The following GRK4 variants were observed in gnomAD, a reference collection of about 807,000 sequenced individuals.
The protein encoded by GRK4 is G protein-coupled receptor kinase 4, also known as G protein-coupled receptor kinase 2-like.
GRK4 carries 73 observed loss-of-function variants against 77.9 expected under a neutral mutation model. The observed-to-expected ratio is 0.94, with a 90% CI of 0.78 to 1.14. GRK4 has a LOEUF of 1.14. Ranked by LOEUF, GRK4 falls within the 50% of genes most tolerant of loss-of-function variation. The probability of loss-of-function intolerance (pLI) is 0.00; values close to 1 mark genes in which losing one functional copy is unlikely to be tolerated. For missense variants in GRK4, 729 were observed against 700.2 expected (o/e 1.04, Z -0.46); for synonymous variants, 257 against 254.4 (o/e 1.01, Z -0.10).
intron 1 of GRK4, among the ~76,000 whole-genome samples, chr4:2,967,730 T>G (rs1718181667): frequency 1.3e-5 from 2 of 150,914 alleles, no homozygotes; most frequent in African/African-American, 2.4e-5. Context: ...TTTTGTTTTA[T>G]TTTTTTTTCC....
chr4:3,005,450 G>A (rs1345437284), intron 5 of GRK4, among the ~76,000 whole-genome samples: 2 of 152,062 alleles, frequency 1.3e-5, no homozygotes, highest in South Asian at 4.1e-4. Flanking sequence ...AGCCAGTGCA[G>A]TCCGAGCATA....
At chr4:3,037,534 G>T (rs372003680) in intron 14 of GRK4, 23 bp downstream of exon 14, 1 of 1,587,218 alleles carries the variant, frequency 6.3e-7, no homozygotes, top group Non-Finnish European at 8.6e-7. Flanking sequence ...CAGCACAGCC[G>T]CTTTACGTTA....
At chr4:2,986,352 A>ATCTTTTTTTT (rs1724350025) in intron 2 of GRK4, among the ~76,000 whole-genome samples, 1 of 73,990 alleles carries the variant, frequency 1.4e-5, no homozygotes, top group African/African-American at 5.7e-5. Context: ...AAAAGGTGTT[A>ATCTTTTTTTT]TCTTTTTTTT....
intron 1 of GRK4, among the ~76,000 whole-genome samples, chr4:2,983,111 G>A (rs1259723693): frequency 3.9e-5 from 6 of 152,172 alleles, no homozygotes; most frequent in Non-Finnish European, 8.8e-5. Flanking sequence ...TGAGGAAGAA[G>A]CTCTTACATC....
At chr4:3,014,586 G>A (rs1272288218) in intron 8 of GRK4, among the ~76,000 whole-genome samples, 2 of 151,988 alleles carry the variant, frequency 1.3e-5, no homozygotes, top group Non-Finnish European at 1.5e-5. Flanking sequence ...CTGAGGTCAG[G>A]AGTTCGAGAC....
At chr4:2,965,191 G>A (rs1320324514) in intron 1 of GRK4, 3 of 681,672 alleles carry the variant, frequency 4.4e-6, no homozygotes, top group African/African-American at 1.8e-5. Flanking sequence ...CTGAGCTGGT[G>A]CGTACCTTAA....
Position 2,963,645 on chromosome 4 carries a change from G to T in GRK4, c.-426G>T, listed in dbSNP as rs1223088871. Reference sequence around the variant, plus strand: ...GTTAGCGCCGAGCCCGCCCGGGAGCGGGTCGCCGGCCGCGGCGGGCGCCCC... The same window carrying T: ...GTTAGCGCCGAGCCCGCCCGGGAGCTGGTCGCCGGCCGCGGCGGGCGCCCC... On this transcript the variant is annotated 5_prime_UTR_variant, in exon 1 of 16. Coordinates refer to ENST00000398052, the MANE Select transcript of GRK4 (RefSeq NM_182982.3). 1.0e-5 allele frequency: 4 copies of T among 381,904 alleles called. No homozygotes were observed. The highest frequency in any genetic ancestry group is 1.4e-5 in the Non-Finnish European group (3 of 215,038). The allele number at this position is 381,904 out of a possible 1,614,324, so 23.7% of individuals were successfully genotyped here.
intron 9 of GRK4, among the ~76,000 whole-genome samples, chr4:3,021,528 C>G (rs757253283): frequency 6.6e-6 from 1 of 152,164 alleles, no homozygotes; most frequent in Non-Finnish European, 1.5e-5. Context: ...CTCTTAAGGA[C>G]CAGAGACCAG....
chr4:3,010,592 A>T (rs1732629980), intron 7 of GRK4, among the ~76,000 whole-genome samples: 1 of 152,174 alleles, frequency 6.6e-6, no homozygotes, highest in Admixed American at 6.6e-5. Flanking sequence ...GATGGAGAAC[A>T]GCAGCAGTTC....
intron 1 of GRK4, among the ~76,000 whole-genome samples, chr4:2,981,093 G>T (rs555220495): frequency 2.0e-5 from 3 of 152,234 alleles, no homozygotes; most frequent in Non-Finnish European, 4.4e-5. Context: ...CAGGGAATGC[G>T]GTGGCGCCCA....
chr4:2,975,988 A>G (rs1328714019), intron 1 of GRK4, among the ~76,000 whole-genome samples: 2 of 152,146 alleles, frequency 1.3e-5, no homozygotes, highest in African/African-American at 4.8e-5. Flanking sequence ...ATCCCCAAAC[A>G]GGCCGGTTTT....
intron 1 of GRK4, among the ~76,000 whole-genome samples, chr4:2,967,245 A>T (rs1717993423): frequency 1.3e-5 from 2 of 152,230 alleles, no homozygotes; most frequent in Non-Finnish European, 2.9e-5. Flanking sequence ...ATTTTGTTAG[A>T]GCAGCTTGAA....
intron 1 of GRK4, among the ~76,000 whole-genome samples, chr4:2,979,716 T>TACCCCCCC (rs1722307778): frequency 6.6e-6 from 1 of 151,978 alleles, no homozygotes; most frequent in African/African-American, 2.4e-5. Flanking sequence ...TCCGTCCCCC[T>TACCCCCCC]ACCCCCCCAA....
intron 3 of GRK4, among the ~76,000 whole-genome samples, chr4:2,992,002 A>G (rs1726331843): frequency 6.6e-6 from 1 of 151,880 alleles, no homozygotes; most frequent in African/African-American, 2.4e-5. Context: ...CAAACCAAAT[A>G]ATTTGAAACA....
intron 1 of GRK4, among the ~76,000 whole-genome samples, chr4:2,973,751 C>T (rs907322059): frequency 6.6e-6 from 1 of 152,172 alleles, no homozygotes; most frequent in Admixed American, 6.5e-5. Context: ...CCCCTGACAG[C>T]CCGTTCTCAG....
At chr4:3,035,842 C>T (rs916451968) in intron 13 of GRK4, among the ~76,000 whole-genome samples, 3 of 152,174 alleles carry the variant, frequency 2.0e-5, no homozygotes, top group East Asian at 3.9e-4. Context: ...TTCCCTCCCC[C>T]GTCACCCCAG....
At chr4:3,031,555 A>G (rs1739184962) in intron 12 of GRK4, among the ~76,000 whole-genome samples, 1 of 152,184 alleles carries the variant, frequency 6.6e-6, no homozygotes, top group Non-Finnish European at 1.5e-5. Context: ...GGGAGTGACT[A>G]GAGGACAGAC....
At chr4:3,038,102 TC>T (rs1741340345) in intron 14 of GRK4, among the ~76,000 whole-genome samples, 1 of 152,108 alleles carries the variant, frequency 6.6e-6, no homozygotes, top group African/African-American at 2.4e-5. Flanking sequence ...CGAGCCCCAC[TC>T]CCTAAGCAGG....
chr4:3,016,478 A>T, intron 8 of GRK4, among the ~76,000 whole-genome samples: 1 of 149,364 alleles, frequency 6.7e-6, no homozygotes. Flanking sequence ...AGATTGCGCC[A>T]TTGTACTCCA....
Sources: gnomAD v4.1 joint callset for allele counts (sites outside exome capture counted in the v4.1 genomes callset) on GRCh38, gnomAD v4.1.1 for gene constraint, MANE v1.5 for transcripts, NCBI Gene and HGNC (gene_info 2026-07-23, HGNC 2026-07-21) for gene names.